Variants in USP9X observed in about 807,000 individuals in gnomAD.
The protein encoded by USP9X is ubiquitin specific peptidase 9 X-linked, also known as ubiquitin carboxyl-terminal hydrolase 9X.
A neutral mutation model predicts 190.3 loss-of-function variants in USP9X; 7 were observed. The observed-to-expected ratio is 0.04, with a 90% confidence interval of 0.02 to 0.07. USP9X has a LOEUF of 0.07. USP9X is among the 10% of genes least tolerant of loss of function. The pLI, the probability that USP9X is intolerant of heterozygous loss-of-function variation, is 1.00. For synonymous variants in USP9X, 645 were observed against 659.5 expected, an observed-to-expected ratio of 0.98 and a Z score of 0.34; for missense variants, 1,010 against 1,916.9, an observed-to-expected ratio of 0.53 and a Z score of 8.83.
intron 33 of USP9X, among the ~76,000 whole-genome samples, chrX:41,211,523 G>A (rs1403939088): frequency 8.8e-6 from 1 of 113,413 alleles, no homozygotes; most frequent in Non-Finnish European, 1.9e-5. Flanking sequence ...AGGTATATTT[G>A]TATACAAAAC....
rs184598310 is a variant in USP9X at position 41,168,331 on chromosome X, C to T, written c.2636+113C>T. ...TCGTTTGAAAATTGTTGTCTTTGCCCATTAAAAACATTTTCATTTCATCTA... is the reference window on the plus strand; with the variant it reads ...TCGTTTGAAAATTGTTGTCTTTGCCTATTAAAAACATTTTCATTTCATCTA... On this transcript the variant is annotated intron_variant, in intron 18 of 44. Coordinates refer to ENST00000378308, the MANE Select transcript of USP9X (RefSeq NM_001039591.3). The T allele has an allele frequency of 2.5e-5, 16 of 630,402 alleles. No homozygotes were observed. The Admixed American group carries it at 8.1e-4, about 32-fold the overall frequency. 52.0% of individuals were successfully genotyped at this position (630,402 alleles called of 1,213,427 possible).
At chrX:41,222,055 A>G (rs1002576406) in intron 38 of USP9X, among the ~76,000 whole-genome samples, 3 of 111,716 alleles carry the variant, frequency 2.7e-5, no homozygotes, top group South Asian at 3.7e-4. Context: ...ACATGTATGT[A>G]TGGGAAGAAA....
At chrX:41,087,444 C>G (rs1450548702) in intron 1 of USP9X, among the ~76,000 whole-genome samples, 1 of 112,364 alleles carries the variant, frequency 8.9e-6, no homozygotes, top group African/African-American at 3.2e-5. Context: ...TCCTTTAGAT[C>G]TCGCTCGTCT....
At chrX:41,187,188 A>G (rs1420354973) in intron 24 of USP9X, among the ~76,000 whole-genome samples, 1 of 112,041 alleles carries the variant, frequency 8.9e-6, no homozygotes, top group Non-Finnish European at 1.9e-5. Flanking sequence ...GTCGAAACCG[A>G]ATGTTTTCAT....
At chrX:41,208,925 G>A (rs2063132434) in intron 32 of USP9X, among the ~76,000 whole-genome samples, 1 of 110,451 alleles carries the variant, frequency 9.1e-6, no homozygotes, top group African/African-American at 3.3e-5. Flanking sequence ...AGCCAGGGTG[G>A]TCTCGAACTC....
Position 41,229,831 on chromosome X carries a change from ATTCT to A in USP9X, c.7431+55_7431+58del, listed in dbSNP as rs1480043275. 5.0e-6 allele frequency: 6 copies of A among 1,204,225 alleles called. No individual in the cohort carries two copies. The African/African-American group carries it at 7.0e-5, about 14-fold the overall frequency. On this transcript the variant is annotated intron_variant, in intron 43 of 44. Coordinates refer to ENST00000378308, the MANE Select transcript of USP9X (RefSeq NM_001039591.3). ...GATAGAAATGGAAGAGAGCAAAGTAATTCTTTATTTTATAGGCCAGTGTTTATGT... is the reference window on the plus strand; with the variant it reads ...GATAGAAATGGAAGAGAGCAAAGTAATTATTTTATAGGCCAGTGTTTATGT...
intron 32 of USP9X, among the ~76,000 whole-genome samples, chrX:41,206,281 A>G (rs2063095203): frequency 8.9e-6 from 1 of 112,215 alleles, no homozygotes; most frequent in South Asian, 3.6e-4. Context: ...GTCTCAAAAC[A>G]TGATCATGAT....
Position 41,235,633 on chromosome X carries a change from C to G in USP9X, c.*3109C>G, listed in dbSNP as rs1264788485. On this transcript the variant is annotated 3_prime_UTR_variant, in exon 45 of 45. Coordinates refer to ENST00000378308, the MANE Select transcript of USP9X (RefSeq NM_001039591.3). ...CACAACTTGTTAAACCATGTTGCTG[C>G]TGTTTCTAAGCCCTCCACCAACTGA... The G allele has an allele frequency of 8.9e-6, 1 of 112,549 alleles. No homozygotes were observed. Among genetic ancestry groups the G allele is most frequent in the African/African-American group, 3.2e-5 (1 of 30,932 alleles). The allele number at this position is 112,549 out of a possible 1,213,427, so 9.3% of individuals were successfully genotyped here. A position where few individuals can be genotyped will look rare whatever the true frequency, so the allele number is the denominator to read the frequency against.
At chrX:41,097,501 T>C (rs2062000198) in intron 1 of USP9X, among the ~76,000 whole-genome samples, 1 of 111,841 alleles carries the variant, frequency 8.9e-6, no homozygotes, top group Non-Finnish European at 1.9e-5. Flanking sequence ...AGCTTTTGTT[T>C]ATGTGGGGTT....
At position 41,216,621 on chromosome X, in the gene USP9X, A is replaced by G; in HGVS notation, c.6054A>G (p.Thr2018=). Residue 2018 remains threonine, a synonymous_variant, in exon 35 of 45, where the codon ACA becomes ACG. Coordinates refer to ENST00000378308, the MANE Select transcript of USP9X (RefSeq NM_001039591.3). ...EYFQFMKKLL[T]CNGVYLNPPP... is the part of the protein sequence containing the mutation. ...TTCAGTTTATGAAAAAACTGCTTAC[A>G]TGTAATGGCGTTTACTTAAACCCTC... 1 of 1,210,164 alleles carries G rather than the reference A, an allele frequency of 8.3e-7. No individual in the cohort carries two copies. The highest frequency in any genetic ancestry group is 1.1e-6 in the Non-Finnish European group (1 of 894,264).
chrX:41,133,342 T>C (rs1178612614), intron 4 of USP9X, among the ~76,000 whole-genome samples: 2 of 111,848 alleles, frequency 1.8e-5, no homozygotes, highest in African/African-American at 3.2e-5. Context: ...AAAATATCTT[T>C]TTTTATTTTA....
At chrX:41,097,085 T>G (rs774237359) in intron 1 of USP9X, among the ~76,000 whole-genome samples, 13 of 111,792 alleles carry the variant, frequency 1.2e-4, no homozygotes, top group Non-Finnish European at 2.3e-4. Flanking sequence ...TCCTGTGGGT[T>G]AATTGTGCTT....
At chrX:41,223,812 T>G in intron 39 of USP9X, among the ~76,000 whole-genome samples, 1 of 111,872 alleles carries the variant, frequency 8.9e-6, no homozygotes, top group Non-Finnish European at 1.9e-5. Flanking sequence ...TGCTTTGGAA[T>G]ATTTTAGCCC....
In USP9X at chrX:41,217,237, C is replaced by T; in HGVS notation, c.6103C>T (p.Pro2035Ser). Reference protein sequence around the residue: ...NPPPGQDHLLPEAEEITMISI... With the variant: ...NPPPGQDHLLSEAEEITMISI... ...ATTTATAGGGCAAGATCACCTGTTG[C>T]CTGAAGCAGAAGAAATCACTATGAT... The change falls in exon 36 of 45, where the codon CCT becomes TCT. Residue 2035 changes from proline to serine, a missense_variant. By Grantham distance (74) the Pro-to-Ser change is moderately conservative. Transcript: ENST00000378308. The T allele has an allele frequency of 8.3e-7, 1 of 1,206,144 alleles. No homozygotes were observed.
In USP9X at chrX:41,186,521, A is replaced by G; in HGVS notation, c.3563A>G (p.Asn1188Ser). ...VEGVNPMTQI[N>S]QVTHDQAVVL... ...AAAATGGTTAACTTTTTTCAGATCA[A>G]CCAAGTTACCCATGATCAAGCAGTG... Residue 1188 changes from asparagine to serine, a missense_variant, in exon 24 of 45, where the codon AAC becomes AGC. Around this residue, in one of 11 missense-constraint regions of USP9X, gnomAD observed 351 missense variants for 480.8 expected, o/e 0.73. Transcript: ENST00000378308. 1 of 1,211,368 alleles carries G rather than the reference A, an allele frequency of 8.3e-7. No individual in the cohort carries two copies.
At chrX:41,189,792 T>C in intron 26 of USP9X, 1 of 148,404 alleles carries the variant, frequency 6.7e-6, no homozygotes, top group Non-Finnish European at 1.3e-5. Flanking sequence ...TAGCCTCCTA[T>C]CTTAGATTCC....
At position 41,182,349 on chromosome X, in the gene USP9X, G is replaced by T. The variant is rs368355946; in HGVS notation, c.3149-1649G>T. On this transcript the variant is annotated intron_variant, in intron 21 of 44. Coordinates refer to ENST00000378308, the MANE Select transcript of USP9X (RefSeq NM_001039591.3). ...CACGCCACTGCACTTCAGCCTGGGT[G>T]ACAGAGTGAGACCCTGTCTCAAAGA... Among the ~76,000 whole-genome samples, 40 of 110,088 alleles carry T rather than the reference G, an allele frequency of 3.6e-4. 3 individuals are homozygous for T. The highest frequency in any genetic ancestry group is 3.4e-3 in the East Asian group (12 of 3,543).
In USP9X at chrX:41,236,573, A is replaced by C. The variant is rs2063399405; in HGVS notation, c.*4049A>C. 8.9e-6 allele frequency: 1 copy of C among 112,604 alleles called. No homozygotes were observed. The highest frequency in any genetic ancestry group is 3.2e-5 in the African/African-American group (1 of 30,942). 9.3% of individuals were successfully genotyped at this position (112,604 alleles called of 1,213,427 possible). On this transcript the variant is annotated 3_prime_UTR_variant, in exon 45 of 45. Transcript: ENST00000378308. ...ACATATACAAAAATAAAACTTTATA[A>C]ATTCAATTTCGGTTTTCCCTTTATT...
intron 23 of USP9X, among the ~76,000 whole-genome samples, chrX:41,185,423 T>C (rs2062864859): frequency 1.8e-5 from 2 of 111,596 alleles, no homozygotes; most frequent in Admixed American, 1.9e-4. Context: ...TTACATGATA[T>C]CTAGGATTTG....
Sources: allele counts gnomAD v4.1 joint callset (sites outside exome capture counted in the v4.1 genomes callset), GRCh38; gene constraint gnomAD v4.1.1; regional missense constraint gnomAD v4.1.1; transcripts MANE v1.5; gene names NCBI Gene and HGNC (gene_info 2026-07-23, HGNC 2026-07-21).